Variants in CELSR1 observed in about 807,000 individuals in gnomAD.
CELSR1 encodes cadherin EGF LAG seven-pass G-type receptor 1.
CELSR1 carries 110 observed loss-of-function variants against 249.1 expected under a neutral mutation model. That is an observed-to-expected ratio of 0.44 (90% confidence interval 0.38 to 0.52). The LOEUF (loss-of-function observed/expected upper bound fraction) is 0.52. CELSR1 is among the 20% of genes least tolerant of loss of function. CELSR1 has a pLI of 0.00. For synonymous variants in CELSR1, 2,113 were observed against 1,900.0 expected (o/e 1.11, Z -2.92); for missense variants, 4,109 against 4,296.4 (o/e 0.96, Z 1.22).
At position 46,430,185 on chromosome 22, in the gene CELSR1, CAG is replaced by C. The variant is rs2079578525; in HGVS notation, c.4611+3206_4611+3207del. 6.6e-6 allele frequency among the ~76,000 whole-genome samples: 1 copy of C among 152,180 alleles called. No homozygotes were observed. Among genetic ancestry groups the C allele is most frequent in the Non-Finnish European group, 1.5e-5 (1 of 68,032 alleles). ...CACAGCCACTCTGGAGGGCGGGGGA[CAG>C]AGAACGAGACTGAAGAGAGGAGGGT... On this transcript the variant is annotated intron_variant, in intron 5 of 34. Coordinates refer to ENST00000674500, the MANE Select transcript of CELSR1 (RefSeq NM_001378328.1). This position sits in a 1 kb window ranked among gnomAD's most constrained non-coding sequence, Gnocchi z 4.6.
At position 46,534,165 on chromosome 22, in the gene CELSR1, G is replaced by T; in HGVS notation, c.3006C>A (p.Asp1002Glu). The T allele has an allele frequency of 1.2e-6, 2 of 1,613,838 alleles. No individual in the cohort carries two copies. Among genetic ancestry groups the T allele is most frequent in the Non-Finnish European group, 1.7e-6 (2 of 1,180,034 alleles). ...TCTCCTCAACAAACAGCTCCAGTTC[G>T]TCCTTCTCAAACATGGGGGCATTGT... ...INDNAPMFEK[D>E]ELELFVEENN... Residue 1002 changes from aspartate (D) to glutamate (E), a missense_variant, in exon 1 of 35, where the codon GAC becomes GAA. By Grantham distance (45) the Asp-to-Glu change is conservative (BLOSUM62 2). Coordinates refer to ENST00000674500, the MANE Select transcript of CELSR1 (RefSeq NM_001378328.1). This position sits in a 1 kb window ranked among gnomAD's most constrained non-coding sequence, Gnocchi z 9.7.
chr22:46,432,440 C>T (rs539897422), intron 5 of CELSR1, among the ~76,000 whole-genome samples: 38 of 152,276 alleles, frequency 2.5e-4, no homozygotes, highest in Non-Finnish European at 4.4e-4. Context: ...TTGTGAAGTC[C>T]GGGAAGCGGG....
At position 46,399,260 on chromosome 22, in the gene CELSR1, T is replaced by A. The variant is rs1307349594; in HGVS notation, c.5412+457A>T. Among the ~76,000 whole-genome samples the A allele has an allele frequency of 6.6e-6, 1 of 152,178 alleles. No individual in the cohort carries two copies. On this transcript the variant is annotated intron_variant, in intron 10 of 34. Transcript: ENST00000674500. This position sits in a 1 kb window ranked among gnomAD's most constrained non-coding sequence, Gnocchi z 5.0. ...TCTGGGATACCACCACCTGCCTGCC[T>A]GGGACATGTGTGGCTCCCTGGTGTC...
At chr22:46,521,128 C>T (rs943725394) in intron 1 of CELSR1, among the ~76,000 whole-genome samples, 1 of 152,240 alleles carries the variant, frequency 6.6e-6, no homozygotes, top group Non-Finnish European at 1.5e-5. Flanking sequence ...TTCGTCTGTT[C>T]ACAGACACCT....
At position 46,419,780 on chromosome 22, in the gene CELSR1, C is replaced by A. The variant is rs147746370; in HGVS notation, c.4612-8021G>T. On this transcript the variant is annotated intron_variant, in intron 5 of 34. Transcript: ENST00000674500. ...CCCACACGTGCACACTCACCACTCA[C>A]ACTCAAATGCGCCCTCACCCATGCA... Among the ~76,000 whole-genome samples the A allele has an allele frequency of 8.7e-3, 1,296 of 148,156 alleles. 9 individuals are homozygous for A. The highest frequency in any genetic ancestry group is 0.023 in the Middle Eastern group (5 of 218).
chr22:46,404,504 T>C (rs1028313463), intron 9 of CELSR1, among the ~76,000 whole-genome samples: 4 of 152,164 alleles, frequency 2.6e-5, no homozygotes, highest in African/African-American at 9.7e-5. Flanking sequence ...CTAAGATAAA[T>C]TCATGAGAGA....
Position 46,490,001 on chromosome 22 carries a change from C to T in CELSR1, c.3545-25656G>A, listed in dbSNP as rs1045547494. 6.6e-6 allele frequency among the ~76,000 whole-genome samples: 1 copy of T among 152,194 alleles called. No homozygotes were observed. Among genetic ancestry groups the T allele is most frequent in the African/African-American group, 2.4e-5 (1 of 41,448 alleles). On this transcript the variant is annotated intron_variant, in intron 1 of 34. Transcript: ENST00000674500. This position sits in a 1 kb window ranked among gnomAD's most constrained non-coding sequence, Gnocchi z 5.2. ...CCAGCCTGGTTAGTGGGAAAGCGTC[C>T]TCCTGGCCATCTCAGCATCCGCCCC...
At position 46,432,261 on chromosome 22, in the gene CELSR1, A is replaced by AGGCGACAC. The variant is rs1271191051; in HGVS notation, c.4611+1124_4611+1131dup. On this transcript the variant is annotated intron_variant, in intron 5 of 34. Coordinates refer to ENST00000674500, the MANE Select transcript of CELSR1 (RefSeq NM_001378328.1). ...TGGAAAGGAGAGTGAAAGCCAGTGGAGGCGACACTACGACCTCAGGCCCAG... is the reference window on the plus strand; with the variant it reads ...TGGAAAGGAGAGTGAAAGCCAGTGGAGGCGACACGGCGACACTACGACCTCAGGCCCAG... Among the ~76,000 whole-genome samples, 6 of 152,216 alleles carry AGGCGACAC rather than the reference A, an allele frequency of 3.9e-5. No individual in the cohort carries two copies. In the East Asian group the frequency reaches 1.2e-3, roughly 29 times the overall value.
chr22:46,366,470 T>C lies in CELSR1; in HGVS notation c.8216A>G (p.Asn2739Ser). ...CCCGTCACCGAAGGTGGTGTTGCAGTTGAGGGAGCGCTGAAGGGAGGGGAG... is the reference window on the plus strand; with the variant it reads ...CCCGTCACCGAAGGTGGTGTTGCAGCTGAGGGAGCGCTGAAGGGAGGGGAG... ...TRATLLTRSL[N>S]CNTTFGDGPD... Residue 2739 changes from asparagine to serine, a missense_variant, in exon 30 of 35, where the codon AAC becomes AGC. By Grantham distance (46) the Asn-to-Ser change is conservative. This residue lies in a region of CELSR1 where 1,805 missense variants were observed against 1,831.6 expected (regional missense o/e 0.99). Coordinates refer to ENST00000674500, the MANE Select transcript of CELSR1 (RefSeq NM_001378328.1). 6.5e-7 allele frequency: 1 copy of C among 1,550,146 alleles called. No homozygotes were observed.
At chr22:46,516,628 C>T in intron 1 of CELSR1, among the ~76,000 whole-genome samples, 1 of 152,146 alleles carries the variant, frequency 6.6e-6, no homozygotes, top group Non-Finnish European at 1.5e-5. Flanking sequence ...GCATGAGCCA[C>T]CACACCTGGC....
Position 46,536,538 on chromosome 22 carries a change from C to G in CELSR1, c.633G>C (p.Ser211=). Residue 211 remains serine (S), a synonymous_variant, in exon 1 of 35, where the codon TCG becomes TCC. Coordinates refer to ENST00000674500, the MANE Select transcript of CELSR1 (RefSeq NM_001378328.1). ...EAATAGTPSA[S]PSPSPPLPPN... is the part of the protein sequence containing the mutation. ...GCGGCAGGGGCGGCGATGGGGATGG[C>G]GACGCGGAGGGCGTCCCCGCGGTGG... The G allele has an allele frequency of 7.1e-7, 1 of 1,399,148 alleles. No individual in the cohort carries two copies. Among genetic ancestry groups the G allele is most frequent in the Non-Finnish European group, 9.2e-7 (1 of 1,084,320 alleles). The allele number at this position is 1,399,148 out of a possible 1,614,324, so 86.7% of individuals were successfully genotyped here. A position where few individuals can be genotyped will look rare whatever the true frequency, so the allele number is the denominator to read the frequency against.
chr22:46,504,300 T>C (rs1359379067), intron 1 of CELSR1, among the ~76,000 whole-genome samples: 1 of 151,710 alleles, frequency 6.6e-6, no homozygotes, highest in Non-Finnish European at 1.5e-5. Context: ...GATCACAAGG[T>C]CAGGAGTTTG....
Position 46,536,250 on chromosome 22 carries a change from C to T in CELSR1, c.921G>A (p.Thr307=). Residue 307 remains threonine (T), a synonymous_variant, in exon 1 of 35, where the codon ACG becomes ACA. Coordinates refer to ENST00000674500, the MANE Select transcript of CELSR1 (RefSeq NM_001378328.1). ...TGGTCTCGCGGTCCAGTACGCTGTC[C>T]GTGCTCACGGCGCCCGTGGCAGAGT... is the stretch of plus-strand genomic sequence containing the variant. ...RIDSATGAVS[T]DSVLDRETKE... 1 of 1,612,250 alleles carries T rather than the reference C, an allele frequency of 6.2e-7. No individual in the cohort carries two copies. Among genetic ancestry groups the T allele is most frequent in the South Asian group, 1.1e-5 (1 of 91,060 alleles).
chr22:46,388,739 A>T (rs1457610523), intron 18 of CELSR1, among the ~76,000 whole-genome samples: 1 of 151,908 alleles, frequency 6.6e-6, no homozygotes, highest in African/African-American at 2.4e-5. Flanking sequence ...CTCTGCATTC[A>T]CCCTAAAACG....
At chr22:46,486,822 G>A (rs1174664960) in intron 1 of CELSR1, among the ~76,000 whole-genome samples, 8 of 152,152 alleles carry the variant, frequency 5.3e-5, no homozygotes, top group Admixed American at 2.0e-4. Context: ...CAGCCTGGGC[G>A]ACAGAGCAAG....
At position 46,414,205 on chromosome 22, in the gene CELSR1, G is replaced by A. The variant is rs978190330; in HGVS notation, c.4612-2446C>T. ...TGAATCAGAGCAGCAGGCACAGGGC[G>A]TTTAGGAAACGGTCTCTGATAGACA... On this transcript the variant is annotated intron_variant, in intron 5 of 34. Coordinates refer to ENST00000674500, the MANE Select transcript of CELSR1 (RefSeq NM_001378328.1). Among the ~76,000 whole-genome samples, 5 of 152,232 alleles carry A rather than the reference G, an allele frequency of 3.3e-5. No homozygotes were observed. In the East Asian group the frequency reaches 9.6e-4, roughly 29 times the overall value.
chr22:46,510,728 G>A (rs1238263015), intron 1 of CELSR1, among the ~76,000 whole-genome samples: 1 of 152,192 alleles, frequency 6.6e-6, no homozygotes, highest in East Asian at 1.9e-4. Flanking sequence ...TTTCTAGAGT[G>A]TGTGTGCTTA....
Position 46,386,469 on chromosome 22 carries a change from G to A in CELSR1, c.6672C>T (p.Phe2224=), listed in dbSNP as rs372303795. 13 of 1,604,104 alleles carry A rather than the reference G, an allele frequency of 8.1e-6. No homozygotes were observed. The African/African-American group carries it at 1.1e-4, about 13-fold the overall frequency. The part of the protein sequence containing the change: ...AQLLRRLEGY[F]SNVARNVRRT... ...GCCGCACGTTGCGTGCCACGTTGCT[G>A]AAGTAGCCCTCGAGGCGCCGGAGCA... Residue 2224 remains phenylalanine, a synonymous_variant, in exon 19 of 35, where the codon TTC becomes TTT. Coordinates refer to ENST00000674500, the MANE Select transcript of CELSR1 (RefSeq NM_001378328.1).
chr22:46,443,848 C>G (rs889033980), intron 2 of CELSR1, among the ~76,000 whole-genome samples: 3 of 152,252 alleles, frequency 2.0e-5, no homozygotes, highest in Admixed American at 6.5e-5. Flanking sequence ...TATTTCTCCT[C>G]CTTTGGACAC....
Sources: gnomAD v4.1 joint callset for allele counts (sites outside exome capture counted in the v4.1 genomes callset) on GRCh38, gnomAD v4.1.1 for gene constraint, gnomAD v4.1.1 regional missense constraint, Gnocchi (gnomAD v3.1) non-coding constraint, MANE v1.5 for transcripts, NCBI Gene and HGNC (gene_info 2026-07-23, HGNC 2026-07-21) for gene names.